OCA2: variants seen among roughly 807,000 people sequenced by gnomAD.
The protein encoded by OCA2 is P protein.
A neutral mutation model predicts 100.2 loss-of-function variants in OCA2; 77 were observed. That is an observed-to-expected ratio of 0.77 (90% CI 0.64 to 0.93). OCA2 has a LOEUF of 0.93. Ranked by LOEUF, OCA2 falls within the 40% of genes least tolerant of loss-of-function variation. The pLI is 0.00. For missense variants in OCA2, 1,062 were observed against 1,089.1 expected, an observed-to-expected ratio of 0.98 and a Z score of 0.35; for synonymous variants, 432 against 439.2, an observed-to-expected ratio of 0.98 and a Z score of 0.21.
intron 23 of OCA2, among the ~76,000 whole-genome samples, chr15:27,790,496 T>C (rs1327430379): frequency 6.6e-6 from 1 of 152,196 alleles, no homozygotes; most frequent in Non-Finnish European, 1.5e-5. Flanking sequence ...AAAAACATGA[T>C]TGGATATCCA....
At chr15:27,947,287 G>T (rs1595698315) in intron 18 of OCA2, among the ~76,000 whole-genome samples, 2 of 152,214 alleles carry the variant, frequency 1.3e-5, no homozygotes, top group South Asian at 4.1e-4. Context: ...TGGCACTAAG[G>T]GTCTCATGCA....
intron 23 of OCA2, among the ~76,000 whole-genome samples, chr15:27,763,991 T>C (rs991462435): frequency 4.5e-4 from 68 of 151,540 alleles, no homozygotes; most frequent in African/African-American, 1.6e-3. Flanking sequence ...ACCCAGCCAC[T>C]GAGGGGTGGG....
chr15:28,050,833 C>G (rs960778378), intron 2 of OCA2, among the ~76,000 whole-genome samples: 1 of 152,110 alleles, frequency 6.6e-6, no homozygotes, highest in Admixed American at 6.5e-5. Flanking sequence ...AGGAGCAGAC[C>G]CTGAGAAGTC....
intron 15 of OCA2, 65 bp downstream of exon 15, chr15:27,966,625 C>T: frequency 6.3e-7 from 1 of 1,589,480 alleles, no homozygotes; most frequent in African/African-American, 1.3e-5. Flanking sequence ...AAGAACTTCT[C>T]CTGGTAAACA....
At chr15:28,097,193 A>G (rs2045001530) in intron 1 of OCA2, among the ~76,000 whole-genome samples, 1 of 152,072 alleles carries the variant, frequency 6.6e-6, no homozygotes, top group African/African-American at 2.4e-5. Context: ...CGCGCCAGCC[A>G]CACCTCCCCA....
chr15:27,845,566 C>T (rs1567016925), intron 22 of OCA2, among the ~76,000 whole-genome samples: 1 of 152,198 alleles, frequency 6.6e-6, no homozygotes, highest in African/African-American at 2.4e-5. Flanking sequence ...TCTGGGTAAG[C>T]TTTTATGACC....
intron 21 of OCA2, among the ~76,000 whole-genome samples, chr15:27,852,151 T>C (rs900192220): frequency 6.6e-6 from 1 of 152,244 alleles, no homozygotes; most frequent in Non-Finnish European, 1.5e-5. Flanking sequence ...CTTTGCATTA[T>C]TGTAATCAAT....
At chr15:27,915,492 A>G (rs1323735426) in intron 19 of OCA2, among the ~76,000 whole-genome samples, 1 of 152,240 alleles carries the variant, frequency 6.6e-6, no homozygotes, top group Non-Finnish European at 1.5e-5. Context: ...AGAATCTATA[A>G]GAGACTTAAA....
At chr15:27,753,190 G>C (rs1204787554), downstream of OCA2, among the ~76,000 whole-genome samples, 3 of 152,082 alleles carry the variant, frequency 2.0e-5, no homozygotes, top group Non-Finnish European at 4.4e-5. Context: ...GTTCCAGCAG[G>C]GGCAAGTTTT....
chr15:28,055,545 G>C (rs1179137643), intron 2 of OCA2, among the ~76,000 whole-genome samples: 1 of 152,180 alleles, frequency 6.6e-6, no homozygotes, highest in Non-Finnish European at 1.5e-5. Context: ...GTTTGTTTGG[G>C]GTGGTATCCT....
chr15:28,066,450 C>A (rs568026100), intron 2 of OCA2, among the ~76,000 whole-genome samples: 1 of 152,080 alleles, frequency 6.6e-6, no homozygotes, highest in Non-Finnish European at 1.5e-5. Flanking sequence ...ATTATACTCT[C>A]CTCCCGTTGG....
chr15:27,987,555 T>TA (rs34819807), intron 11 of OCA2, among the ~76,000 whole-genome samples: 74,526 of 140,484 alleles, frequency 0.53, 22,965 homozygotes, highest in Non-Finnish European at 0.72. Context: ...CCATCTCTAC[T>TA]AAAAAAAAAA....
intron 18 of OCA2, among the ~76,000 whole-genome samples, chr15:27,941,839 G>T (rs2594938): frequency 6.6e-6 from 1 of 151,994 alleles, no homozygotes; most frequent in Admixed American, 6.5e-5. Flanking sequence ...CAAACAGATG[G>T]AAAAAACAAG....
chr15:27,774,588 T>C lies in OCA2; in HGVS notation c.2433-19116A>G, dbSNP rs190811343. Reference sequence around the variant, plus strand: ...AAGCACATGTGAGACCATTTTGGTTTCTCAGTTGTTATGGCTGAACTGTGA... The same window carrying C: ...AAGCACATGTGAGACCATTTTGGTTCCTCAGTTGTTATGGCTGAACTGTGA... On this transcript the variant is annotated intron_variant, in intron 23 of 23. Coordinates refer to ENST00000354638, the MANE Select transcript of OCA2 (RefSeq NM_000275.3). 6.6e-5 allele frequency among the ~76,000 whole-genome samples: 10 copies of C among 152,360 alleles called. No homozygotes were observed. In the East Asian group the frequency reaches 1.5e-3, roughly 23 times the overall value.
Position 28,082,242 on chromosome 15 carries a change from A to G in OCA2, c.-21-347T>C, listed in dbSNP as rs193164372. Among the ~76,000 whole-genome samples, 416 of 152,310 alleles carry G rather than the reference A, an allele frequency of 2.7e-3. 3 individuals carry two copies. The highest frequency in any genetic ancestry group is 9.6e-3 in the African/African-American group (397 of 41,556). On this transcript the variant is annotated intron_variant, in intron 1 of 23. Coordinates refer to ENST00000354638, the MANE Select transcript of OCA2 (RefSeq NM_000275.3). ...CAATCAGCACTCTGTAAAATGGACC[A>G]ATCAGCAGGACGTGGGCGGGGACAA...
At chr15:27,975,584 T>C (rs1156840199) in intron 14 of OCA2, among the ~76,000 whole-genome samples, 3 of 152,166 alleles carry the variant, frequency 2.0e-5, no homozygotes, top group Admixed American at 1.3e-4. Context: ...TTGTCAAAAA[T>C]CAGTAGTTCA....
At chr15:27,853,785 G>A (rs1017200489) in intron 21 of OCA2, among the ~76,000 whole-genome samples, 11 of 152,190 alleles carry the variant, frequency 7.2e-5, no homozygotes, top group South Asian at 6.2e-4. Flanking sequence ...GGGCAGTTGC[G>A]TATGTCAACC....
chr15:27,953,255 A>T (rs1348521193), intron 17 of OCA2, among the ~76,000 whole-genome samples: 1 of 152,168 alleles, frequency 6.6e-6, no homozygotes, highest in Non-Finnish European at 1.5e-5. Flanking sequence ...TCTGGTCACA[A>T]AGGTAAAGCT....
chr15:27,809,696 A>G (rs1328703858), intron 23 of OCA2, among the ~76,000 whole-genome samples: 1 of 152,236 alleles, frequency 6.6e-6, no homozygotes, highest in African/African-American at 2.4e-5. Context: ...AATGTATACA[A>G]ATCAGTAGCT....
Sources: allele counts gnomAD v4.1 joint callset (sites outside exome capture counted in the v4.1 genomes callset), GRCh38; gene constraint gnomAD v4.1.1; transcripts MANE v1.5; gene names NCBI Gene and HGNC (gene_info 2026-07-23, HGNC 2026-07-21).